Variants in TYRP1 observed in about 807,000 individuals in gnomAD.
TYRP1 encodes the protein tyrosinase related protein 1, also known as 5,6-dihydroxyindole-2-carboxylic acid oxidase.
In TYRP1, 49 loss-of-function variants were observed where a neutral mutation model predicts 42.8. The observed-to-expected ratio is 1.14, with a 90% CI of 0.91 to 1.45. The LOEUF is 1.45. Ranked by LOEUF, TYRP1 falls within the 40% of genes most tolerant of loss-of-function variation. The pLI, the probability that TYRP1 is intolerant of heterozygous loss-of-function variation, is 0.00. For missense variants in TYRP1, 848 were observed against 662.0 expected, an observed-to-expected ratio of 1.28 and a Z score of -3.08; for synonymous variants, 279 against 235.4, an observed-to-expected ratio of 1.19 and a Z score of -1.69.
chr9:12,699,507 T>G (rs1257373431), intron 4 of TYRP1, among the ~76,000 whole-genome samples: 1 of 144,788 alleles, frequency 6.9e-6, no homozygotes, highest in African/African-American at 2.6e-5. Context: ...ACATACTTAT[T>G]CTACATGTAT....
At chr9:12,699,689 T>C (rs1818135167) in intron 4 of TYRP1, among the ~76,000 whole-genome samples, 1 of 152,088 alleles carries the variant, frequency 6.6e-6, no homozygotes, top group African/African-American at 2.4e-5. Flanking sequence ...TAGAATAAAT[T>C]TGTATTTGTT....
Position 12,695,662 on chromosome 9 carries a change from A to G in TYRP1, c.533A>G (p.Gln178Arg). 1 of 1,614,198 alleles carries G rather than the reference A, an allele frequency of 6.2e-7. No individual in the cohort carries two copies. The highest frequency in any genetic ancestry group is 8.5e-7 in the Non-Finnish European group (1 of 1,180,034). Residue 178 changes from glutamine (Q) to arginine (R), a missense_variant, in exon 3 of 8, where the codon CAA becomes CGA. Gln to Arg is a conservative substitution (Grantham distance 43, BLOSUM62 1). Coordinates refer to ENST00000388918, the MANE Select transcript of TYRP1 (RefSeq NM_000550.3). The stretch of plus-strand genomic sequence containing the variant: ...CTGGGGCCAGATGGCAACACGCCAC[A>G]ATTTGAGAACATTTCCATTTATAAC... ...EILGPDGNTP[Q>R]FENISIYNYF...
intron 3 of TYRP1, among the ~76,000 whole-genome samples, chr9:12,696,080 T>A (rs182520006): frequency 3.8e-3 from 577 of 152,306 alleles, no homozygotes; most frequent in Admixed American, 9.8e-3. Context: ...TTTGCAGGAA[T>A]GAATTAAAAG....
chr9:12,699,557 G>T (rs1428967370), intron 4 of TYRP1, among the ~76,000 whole-genome samples: 1 of 151,734 alleles, frequency 6.6e-6, no homozygotes, highest in African/African-American at 2.4e-5. Context: ...ACTTAAATAA[G>T]AAATACTCTA....
Position 12,695,647 on chromosome 9 carries a change from A to G in TYRP1, c.518A>G (p.Asp173Gly). Residue 173 changes from aspartate (D) to glycine (G), a missense_variant, in exon 3 of 8, where the codon GAT becomes GGT. Coordinates refer to ENST00000388918, the MANE Select transcript of TYRP1 (RefSeq NM_000550.3). ...AGATCAGAAGAAATACTGGGGCCAG[A>G]TGGCAACACGCCACAATTTGAGAAC... The part of the protein sequence containing the change: ...TRRSEEILGP[D>G]GNTPQFENIS... 6.2e-7 allele frequency: 1 copy of G among 1,614,192 alleles called. No individual in the cohort carries two copies. Among genetic ancestry groups the G allele is most frequent in the Non-Finnish European group, 8.5e-7 (1 of 1,180,028 alleles).
chr9:12,698,545 C>A lies in TYRP1; in HGVS notation c.803C>A (p.Ser268Tyr), dbSNP rs1487607248. ...CDICTDDLMG[S>Y]RSNFDSTLIS... ...ATCTGCACGGATGACTTGATGGGAT[C>A]CAGAAGCAACTTTGATTCCACTCTA... Residue 268 changes from serine to tyrosine, a missense_variant, in exon 4 of 8, where the codon TCC becomes TAC. Transcript: ENST00000388918. 16 of 1,613,760 alleles carry A rather than the reference C, an allele frequency of 9.9e-6. No homozygotes were observed. The highest frequency in any genetic ancestry group is 1.4e-5 in the Non-Finnish European group (16 of 1,179,788).
chr9:12,708,626 C>T (rs1265829992), intron 7 of TYRP1, among the ~76,000 whole-genome samples: 2 of 151,754 alleles, frequency 1.3e-5, no homozygotes, highest in Non-Finnish European at 2.9e-5. Context: ...AAATCTTTTC[C>T]CCAACAAAGG....
chr9:12,698,873 C>G (rs1818121233), intron 4 of TYRP1, among the ~76,000 whole-genome samples: 1 of 152,114 alleles, frequency 6.6e-6, no homozygotes, highest in African/African-American at 2.4e-5. Flanking sequence ...CATTTTTACA[C>G]TGCCTTTCTT....
At chr9:12,694,732 T>A (rs1818049230) in intron 2 of TYRP1, among the ~76,000 whole-genome samples, 1 of 152,218 alleles carries the variant, frequency 6.6e-6, no homozygotes, top group African/African-American at 2.4e-5. Flanking sequence ...ACACAGGTGA[T>A]ATTTAGTAAA....
At chr9:12,708,447 A>G (rs1003547435) in intron 7 of TYRP1, among the ~76,000 whole-genome samples, 2 of 151,982 alleles carry the variant, frequency 1.3e-5, no homozygotes, top group African/African-American at 4.8e-5. Flanking sequence ...ACTGTTACAG[A>G]TTCACATTTC....
intron 6 of TYRP1, among the ~76,000 whole-genome samples, chr9:12,706,859 ATGAT>A (rs1818267021): frequency 6.6e-6 from 1 of 151,948 alleles, no homozygotes; most frequent in Middle Eastern, 3.2e-3. Context: ...CTTTTTCAAA[ATGAT>A]TGAAAGGTTT....
rs771220162 is a variant in TYRP1 at position 12,698,489 on chromosome 9, G to A, written c.747G>A (p.Trp249Ter). The A allele has an allele frequency of 9.3e-6, 15 of 1,613,726 alleles. No individual in the cohort carries two copies. Among genetic ancestry groups the A allele is most frequent in the Non-Finnish European group, 1.2e-5 (14 of 1,179,772 alleles). ...LQEPSFSLPY[W>*]NFATGKNVCD... ...AGCCTTCTTTCTCCCTTCCTTACTG[G>A]AATTTTGCAACGGGGAAAAATGTCT... is the stretch of plus-strand genomic sequence containing the variant. Residue 249 changes from tryptophan (W) to a stop codon, truncating the protein, a stop_gained, in exon 4 of 8, where the codon TGG becomes TGA. Coordinates refer to ENST00000388918, the MANE Select transcript of TYRP1 (RefSeq NM_000550.3). LOFTEE classifies it high-confidence loss of function.
chr9:12,704,774 T>A lies in TYRP1; in HGVS notation c.1261+69T>A, dbSNP rs559436691. 3.6e-4 allele frequency: 538 copies of A among 1,481,442 alleles called. 1 individual carries two copies. The highest frequency in any genetic ancestry group is 6.8e-5 in the Non-Finnish European group (72 of 1,063,196). The allele number at this position is 1,481,442 out of a possible 1,614,324, so 91.8% of individuals were successfully genotyped here. ...TTGTTTAGATGGCATAGTTATCAGT[T>A]CAAGCTGAGCACTCAGCGCATAAAA... is the stretch of plus-strand genomic sequence containing the variant. On this transcript the variant is annotated intron_variant, in intron 6 of 7. Coordinates refer to ENST00000388918, the MANE Select transcript of TYRP1 (RefSeq NM_000550.3).
Position 12,698,503 on chromosome 9 carries a change from G to C in TYRP1, c.761G>C (p.Gly254Ala). Residue 254 changes from glycine to alanine, a missense_variant, in exon 4 of 8, where the codon GGG becomes GCG. By Grantham distance (60) the Gly-to-Ala change is moderately conservative. Transcript: ENST00000388918. ...FSLPYWNFAT[G>A]KNVCDICTDD... ...CTTCCTTACTGGAATTTTGCAACGGGGAAAAATGTCTGTGATATCTGCACG... is the reference window on the plus strand; with the variant it reads ...CTTCCTTACTGGAATTTTGCAACGGCGAAAAATGTCTGTGATATCTGCACG... 1 of 1,613,766 alleles carries C rather than the reference G, an allele frequency of 6.2e-7. No homozygotes were observed. The highest frequency in any genetic ancestry group is 8.5e-7 in the Non-Finnish European group (1 of 1,179,812).
At position 12,709,311 on chromosome 9, in the gene TYRP1, A is replaced by T; in HGVS notation, c.*129A>T. 1.1e-6 allele frequency: 1 copy of T among 943,502 alleles called. No homozygotes were observed. The highest frequency in any genetic ancestry group is 1.7e-6 in the Non-Finnish European group (1 of 605,478). The allele number at this position is 943,502 out of a possible 1,614,324, so 58.4% of individuals were successfully genotyped here. On this transcript the variant is annotated 3_prime_UTR_variant, in exon 8 of 8. Coordinates refer to ENST00000388918, the MANE Select transcript of TYRP1 (RefSeq NM_000550.3). ...TAATACAAGCATATGTTAGCATTAA[A>T]GTTCTAGGCATACTTTTCAAAGCTG...
rs5896525 is a variant in TYRP1, at chr9:12,710,256, A to AAATAAAT, written c.*1079_*1080insATAATAA. The AAATAAAT allele has an allele frequency of 6.6e-6, 1 of 150,884 alleles. No homozygotes were observed. Among genetic ancestry groups the AAATAAAT allele is most frequent in the Non-Finnish European group, 1.5e-5 (1 of 67,416 alleles). The allele number at this position is 150,884 out of a possible 1,614,324, so 9.3% of individuals were successfully genotyped here. A position where few individuals can be genotyped will look rare whatever the true frequency, so the allele number is the denominator to read the frequency against. On this transcript the variant is annotated 3_prime_UTR_variant, in exon 8 of 8. Transcript: ENST00000388918. Reference sequence around the variant, plus strand: ...TATTTTAATTAAAATTGGTAAAAATAAATAATAACAGTAATAATCATGCAC... The same window carrying AAATAAAT: ...TATTTTAATTAAAATTGGTAAAAATAAATAAATAATAATAACAGTAATAATCATGCAC...
At position 12,709,188 on chromosome 9, in the gene TYRP1, GCCCT is replaced by G; in HGVS notation, c.*7_*10del. 1 of 1,611,668 alleles carries G rather than the reference GCCCT, an allele frequency of 6.2e-7. No individual in the cohort carries two copies. Among genetic ancestry groups the G allele is most frequent in the Non-Finnish European group, 8.5e-7 (1 of 1,178,356 alleles). On this transcript the variant is annotated 3_prime_UTR_variant, in exon 8 of 8. Transcript: ENST00000388918. The stretch of plus-strand genomic sequence containing the variant: ...CTAATCAGTCTGTGGTCTAACAAAT[GCCCT>G]ACTCTCTTATGCATTAGTATCACAA...
intron 6 of TYRP1, 80 bp from the exon 7 acceptor site, chr9:12,707,917 T>G (rs41316019): frequency 7.2e-7 from 1 of 1,384,264 alleles, no homozygotes; most frequent in South Asian, 1.4e-5. Context: ...CCTTGAATAT[T>G]GGATGCCTTT....
chr9:12,695,383 G>A (rs536751193), intron 2 of TYRP1, 132 bp from the exon 3 acceptor site: 5 of 808,444 alleles, frequency 6.2e-6, no homozygotes, highest in Admixed American at 5.2e-5. Flanking sequence ...ATTTTTAAAA[G>A]TGTAAAATAA....
Sources: gnomAD v4.1 joint callset for allele counts (sites outside exome capture counted in the v4.1 genomes callset) on GRCh38, gnomAD v4.1.1 for gene constraint, MANE v1.5 for transcripts, NCBI Gene and HGNC (gene_info 2026-07-23, HGNC 2026-07-21) for gene names.